AIM2: variants seen among roughly 807,000 people sequenced by gnomAD.
AIM2 encodes absent in melanoma 2.
In AIM2, 30 loss-of-function variants were observed where a neutral mutation model predicts 27.7. The observed-to-expected ratio is 1.08, with a 90% CI of 0.81 to 1.47. The LOEUF (loss-of-function observed/expected upper bound fraction) is 1.47, where lower values mean the gene tolerates loss of function less well. AIM2 is among the 40% of genes most tolerant of loss of function. The probability of loss-of-function intolerance (pLI) is 0.00; values close to 1 mark genes in which losing one functional copy is unlikely to be tolerated. For missense variants in AIM2, 358 were observed against 411.3 expected, an observed-to-expected ratio of 0.87 and a Z score of 1.12; for synonymous variants, 141 against 145.3, an observed-to-expected ratio of 0.97 and a Z score of 0.21.
intron 1 of AIM2, among the ~76,000 whole-genome samples, chr1:159,098,161 A>T (rs1044727393): frequency 3.9e-5 from 6 of 152,022 alleles, no homozygotes; most frequent in African/African-American, 1.5e-4. Context: ...TTGAGACAGA[A>T]TTTTTTCACA....
upstream of AIM2, among the ~76,000 whole-genome samples, chr1:159,077,318 C>G (rs561382419): frequency 6.6e-6 from 1 of 152,122 alleles, no homozygotes; most frequent in Admixed American, 6.5e-5. Context: ...GGGAAATGGG[C>G]GGGCAATTCC....
chr1:159,133,951 T>A (rs192122586), intron 1 of AIM2, among the ~76,000 whole-genome samples: 1 of 152,326 alleles, frequency 6.6e-6, no homozygotes, highest in East Asian at 1.9e-4. Context: ...CTCACCTTCA[T>A]ACGTGTGTGA....
chr1:159,064,091 G>A lies in AIM2; in HGVS notation c.817-417C>T, dbSNP rs76841093. Among the ~76,000 whole-genome samples, 1,081 of 152,256 alleles carry A rather than the reference G, an allele frequency of 7.1e-3. 9 individuals are homozygous for A. Among genetic ancestry groups the A allele is most frequent in the Non-Finnish European group, 0.012 (835 of 68,020 alleles). On this transcript the variant is annotated intron_variant, in intron 4 of 5. Coordinates refer to ENST00000368130, the MANE Select transcript of AIM2 (RefSeq NM_004833.3). ...TGTTGTCCGTAAGTCTTCTGATCAA[G>A]AGTAGGCTATTAAGCAGTTAAGTTT...
At chr1:159,065,080 CT>C (rs1656024979) in intron 4 of AIM2, among the ~76,000 whole-genome samples, 1 of 152,126 alleles carries the variant, frequency 6.6e-6, no homozygotes, top group Non-Finnish European at 1.5e-5. Context: ...CTATCAATTC[CT>C]TCTGAAACTA....
At chr1:159,127,294 TA>T (rs756203675) in intron 1 of AIM2, among the ~76,000 whole-genome samples, 1 of 152,198 alleles carries the variant, frequency 6.6e-6, no homozygotes, top group East Asian at 1.9e-4. Context: ...TATTTCACAA[TA>T]AAAAATTAAT....
chr1:159,064,496 G>A (rs190865368), intron 4 of AIM2, among the ~76,000 whole-genome samples: 128 of 152,280 alleles, frequency 8.4e-4, no homozygotes, highest in African/African-American at 2.9e-3. Context: ...ATGGAGTTTC[G>A]CTCTTTCACC....
upstream of AIM2, among the ~76,000 whole-genome samples, chr1:159,079,693 A>ATCAT (rs1208154886): frequency 2.0e-4 from 31 of 152,106 alleles, no homozygotes; most frequent in Admixed American, 9.8e-4. Context: ...AGCATGACAC[A>ATCAT]TCATTATCAC....
intron 1 of AIM2, among the ~76,000 whole-genome samples, chr1:159,099,684 C>G (rs551195784): frequency 1.3e-5 from 2 of 152,074 alleles, no homozygotes; most frequent in Non-Finnish European, 2.9e-5. Flanking sequence ...ATTGATTCTC[C>G]TTGATAGAGA....
chr1:159,063,417 C>T (rs1028522405), intron 5 of AIM2, 69 bp downstream of exon 5: 17 of 1,451,946 alleles, frequency 1.2e-5, no homozygotes, highest in Admixed American at 4.1e-5. Context: ...GGCTCCAGTC[C>T]GGCTTTCTGA....
At chr1:159,093,445 G>GTAT (rs1248186487) in intron 1 of AIM2, among the ~76,000 whole-genome samples, 2 of 152,124 alleles carry the variant, frequency 1.3e-5, no homozygotes, top group Admixed American at 1.3e-4. Context: ...ACATAATGCT[G>GTAT]TATTATCTAT....
the AIM2 span, among the ~76,000 whole-genome samples, chr1:159,056,743 A>C: frequency 1.4e-5 from 2 of 146,306 alleles, no homozygotes; most frequent in African/African-American, 5.1e-5. Flanking sequence ...AAAAAAAAAA[A>C]AAAAACTACC....
chr1:159,067,377 A>G (rs980979206), intron 3 of AIM2, among the ~76,000 whole-genome samples: 5 of 152,196 alleles, frequency 3.3e-5, no homozygotes, highest in Non-Finnish European at 7.3e-5. Flanking sequence ...GCCACTTGCC[A>G]TTTAGAACCA....
upstream of AIM2, among the ~76,000 whole-genome samples, chr1:159,141,097 GA>G (rs1557917965): frequency 6.6e-6 from 1 of 152,078 alleles, no homozygotes; most frequent in Non-Finnish European, 1.5e-5. Flanking sequence ...CCTCAGGAAT[GA>G]AAAAGTGTAG....
At chr1:159,132,155 C>A (rs1327959942) in intron 1 of AIM2, 4 of 149,530 alleles carry the variant, frequency 2.7e-5, no homozygotes, top group Non-Finnish European at 5.9e-5. Context: ...CAAGACCATC[C>A]TGGCCAACAT....
chr1:159,103,107 G>GT (rs1226119356), intron 1 of AIM2, among the ~76,000 whole-genome samples: 4 of 152,148 alleles, frequency 2.6e-5, no homozygotes, highest in Non-Finnish European at 4.4e-5. Flanking sequence ...CATGGGAGTT[G>GT]TTTCCCCCAT....
intron 1 of AIM2, among the ~76,000 whole-genome samples, chr1:159,123,251 A>C (rs1001877458): frequency 4.6e-5 from 7 of 152,234 alleles, no homozygotes; most frequent in Non-Finnish European, 8.8e-5. Flanking sequence ...CCTGATGAGA[A>C]AACTGAGACT....
At chr1:159,128,230 T>C (rs1647773793) in intron 1 of AIM2, among the ~76,000 whole-genome samples, 1 of 150,746 alleles carries the variant, frequency 6.6e-6, no homozygotes, top group Middle Eastern at 3.2e-3. Context: ...AATTGCTTTG[T>C]TATAAATTGT....
intron 1 of AIM2, among the ~76,000 whole-genome samples, chr1:159,096,719 G>A (rs1657188306): frequency 6.6e-6 from 1 of 152,050 alleles, no homozygotes; most frequent in Non-Finnish European, 1.5e-5. Flanking sequence ...TCAGAGCTGG[G>A]ACCAACCAGA....
intron 1 of AIM2, among the ~76,000 whole-genome samples, chr1:159,101,762 C>T (rs565848605): frequency 1.3e-5 from 2 of 152,210 alleles, no homozygotes; most frequent in South Asian, 4.1e-4. Context: ...TTGTCCCTGC[C>T]CTAGAGATCT....
Sources: allele counts gnomAD v4.1 joint callset (sites outside exome capture counted in the v4.1 genomes callset), GRCh38; gene constraint gnomAD v4.1.1; transcripts MANE v1.5; gene names NCBI Gene and HGNC (gene_info 2026-07-23, HGNC 2026-07-21).